The following SAMM50 variants were observed in gnomAD, a reference collection of about 807,000 sequenced individuals.
SAMM50 encodes the protein SAMM50 sorting and assembly machinery component, also known as sorting and assembly machinery component 50 homolog.
A neutral mutation model predicts 66.9 loss-of-function variants in SAMM50; 47 were observed. The observed-to-expected ratio is 0.70, with a 90% CI of 0.56 to 0.90. The LOEUF (loss-of-function observed/expected upper bound fraction) is 0.90, where lower values mean the gene tolerates loss of function less well. Among genes scored for constraint, SAMM50 ranks in the 40% least tolerant of loss-of-function variants. The pLI is 0.00. For missense variants in SAMM50, 535 were observed against 595.3 expected (o/e 0.90, Z 1.05); for synonymous variants, 191 against 214.1 (o/e 0.89, Z 0.94).
Position 43,983,655 on chromosome 22 carries a change from A to T in SAMM50, c.1008-278A>T, listed in dbSNP as rs2146823195. Among the ~76,000 whole-genome samples, 1 of 152,264 alleles carries T rather than the reference A, an allele frequency of 6.6e-6. No homozygotes were observed. Among genetic ancestry groups the T allele is most frequent in the East Asian group, 1.9e-4 (1 of 5,174 alleles). ...ACAGCTGATAGTTCCTTTGTGACAG[A>T]CAGTTTGCCCTGCCCCTCTCTCCTA... On this transcript the variant is annotated intron_variant, in intron 11 of 14. Coordinates refer to ENST00000350028, the MANE Select transcript of SAMM50 (RefSeq NM_015380.5). This position sits in a 1 kb window ranked among gnomAD's most constrained non-coding sequence, Gnocchi z 4.2.
At position 43,968,605 on chromosome 22, in the gene SAMM50, T is replaced by G. The variant is rs912232416; in HGVS notation, c.235-126T>G. On this transcript the variant is annotated intron_variant, in intron 3 of 14. Transcript: ENST00000350028. ...TCTGTCATGTGGCTGGTCTTGGTAGTGCTCTCTGCTCAGTGATCTGACTTA... is the reference window on the plus strand; with the variant it reads ...TCTGTCATGTGGCTGGTCTTGGTAGGGCTCTCTGCTCAGTGATCTGACTTA... 6 of 683,164 alleles carry G rather than the reference T, an allele frequency of 8.8e-6. No homozygotes were observed. In the Admixed American group the frequency reaches 1.0e-4, roughly 12 times the overall value. 42.3% of individuals were successfully genotyped at this position (683,164 alleles called of 1,614,324 possible). A position where few individuals can be genotyped will look rare whatever the true frequency, so the allele number is the denominator to read the frequency against.
At chr22:43,955,845 A>G (rs747102086) in intron 1 of SAMM50, among the ~76,000 whole-genome samples, 42 of 152,220 alleles carry the variant, frequency 2.8e-4, no homozygotes, top group Admixed American at 7.2e-4. Flanking sequence ...CCGTGGCCCA[A>G]AGGACTTGCC....
chr22:43,963,530 A>T lies in SAMM50; in HGVS notation c.132+134A>T, dbSNP rs190915006. 11 of 479,554 alleles carry T rather than the reference A, an allele frequency of 2.3e-5. No individual in the cohort carries two copies. In the East Asian group the frequency reaches 3.6e-4, roughly 16 times the overall value. 29.7% of individuals were successfully genotyped at this position (479,554 alleles called of 1,614,324 possible). A position where few individuals can be genotyped will look rare whatever the true frequency, so the allele number is the denominator to read the frequency against. On this transcript the variant is annotated intron_variant, in intron 2 of 14. Coordinates refer to ENST00000350028, the MANE Select transcript of SAMM50 (RefSeq NM_015380.5). ...GAAGAGTTTGTAACCACCTACAACT[A>T]GAAAAACTGATGACTCTTAGAAAAA...
intron 1 of SAMM50, among the ~76,000 whole-genome samples, chr22:43,956,713 G>A (rs1177490196): frequency 3.3e-5 from 5 of 152,156 alleles, no homozygotes; most frequent in African/African-American, 1.2e-4. Flanking sequence ...GAAGAGTGAA[G>A]GGTGAAGTTA....
intron 1 of SAMM50, chr22:43,962,932 G>A (rs5764047): frequency 0.21 from 25,943 of 121,824 alleles, 2,728 homozygotes; most frequent in East Asian, 0.38. Context: ...GGGTCTTGCC[G>A]TGTTGTGCAG....
At chr22:43,977,780 G>T (rs1421061835) in intron 9 of SAMM50, 92 bp from the exon 10 acceptor site, 7 of 860,104 alleles carry the variant, frequency 8.1e-6, no homozygotes, top group South Asian at 1.6e-5. Flanking sequence ...AATACAAAAC[G>T]GCAAAATTAA....
intron 3 of SAMM50, among the ~76,000 whole-genome samples, chr22:43,965,101 G>A (rs2054988681): frequency 6.6e-6 from 1 of 151,042 alleles, no homozygotes; most frequent in Non-Finnish European, 1.5e-5. Flanking sequence ...CTTCTTTGTG[G>A]CCGGGTCCAG....
intron 3 of SAMM50, among the ~76,000 whole-genome samples, chr22:43,965,231 G>A (rs1428432067): frequency 1.3e-5 from 2 of 150,896 alleles, no homozygotes; most frequent in Admixed American, 6.6e-5. Flanking sequence ...TTTTAGATAG[G>A]GTCTTGCTCT....
intron 10 of SAMM50, among the ~76,000 whole-genome samples, chr22:43,978,344 A>G (rs570190096): frequency 7.0e-6 from 1 of 141,918 alleles, no homozygotes; most frequent in South Asian, 2.4e-4. Context: ...CTGAGACAGG[A>G]GAATGGCATG....
intron 10 of SAMM50, among the ~76,000 whole-genome samples, chr22:43,980,624 C>T (rs534591321): frequency 5.3e-5 from 8 of 152,216 alleles, no homozygotes; most frequent in South Asian, 4.1e-4. Context: ...GAGCAGAGTC[C>T]GGACACCTGG....
At chr22:43,990,174 C>G in intron 13 of SAMM50, 91 bp from the exon 14 acceptor site, 1 of 1,512,514 alleles carries the variant, frequency 6.6e-7, no homozygotes, top group African/African-American at 1.4e-5. Flanking sequence ...CTGCAGGGCC[C>G]AGCCAGGGGG....
In SAMM50 at chr22:43,990,216, C is replaced by G. The variant is rs755070853; in HGVS notation, c.1223-49C>G. 3.7e-6 allele frequency: 6 copies of G among 1,607,978 alleles called. No homozygotes were observed. The Admixed American group carries it at 1.0e-4, about 27-fold the overall frequency. On this transcript the variant is annotated intron_variant, in intron 13 of 14. Coordinates refer to ENST00000350028, the MANE Select transcript of SAMM50 (RefSeq NM_015380.5). The stretch of plus-strand genomic sequence containing the variant: ...GGCTTGTCTGGGAGAGCTGGGAGAG[C>G]TTGGAAGGACGGGCACGCACTGTTG...
At chr22:43,957,064 G>T in intron 1 of SAMM50, 1 of 1,018,890 alleles carries the variant, frequency 9.8e-7, no homozygotes, top group Non-Finnish European at 1.5e-6. Flanking sequence ...ATTTTTGCTG[G>T]CTATAAGTGG....
At chr22:43,993,041 T>A (rs934586371) in intron 14 of SAMM50, among the ~76,000 whole-genome samples, 6 of 152,264 alleles carry the variant, frequency 3.9e-5, no homozygotes, top group African/African-American at 1.4e-4. Flanking sequence ...AAGCCCTTAT[T>A]CCCTCTGCAG....
At chr22:43,986,608 T>C (rs1408420311) in intron 12 of SAMM50, 1 of 152,110 alleles carries the variant, frequency 6.6e-6, no homozygotes, top group East Asian at 1.9e-4. Flanking sequence ...TGGAGTGCAG[T>C]GGCGTGATCT....
Position 43,964,499 on chromosome 22 carries a change from T to C in SAMM50, c.180T>C (p.Asp60=). ...VHFDGLGRTK[D]DIIICEIGDV... ...TTGATGGACTTGGAAGGACTAAAGA[T>C]GATATCATCATTTGTGAAATTGGAG... Residue 60 remains aspartate, a synonymous_variant, in exon 3 of 15, where the codon GAT becomes GAC. Transcript: ENST00000350028. 1 of 1,613,004 alleles carries C rather than the reference T, an allele frequency of 6.2e-7. No homozygotes were observed. Among genetic ancestry groups the C allele is most frequent in the Non-Finnish European group, 8.5e-7 (1 of 1,178,972 alleles).
intron 10 of SAMM50, among the ~76,000 whole-genome samples, chr22:43,978,470 G>A (rs796930660): frequency 1.5e-4 from 21 of 140,396 alleles, no homozygotes; most frequent in African/African-American, 3.8e-4. Flanking sequence ...TCTGCTAATC[G>A]TTACACATAG....
At chr22:43,990,210 G>A (rs1334311449) in intron 13 of SAMM50, 55 bp from the exon 14 acceptor site, 1 of 1,606,050 alleles carries the variant, frequency 6.2e-7, no homozygotes, top group African/African-American at 1.3e-5. Flanking sequence ...GGGAGAGCTG[G>A]GAGAGCTTGG....
At chr22:43,993,374 G>A (rs1046576468) in intron 14 of SAMM50, among the ~76,000 whole-genome samples, 2 of 152,226 alleles carry the variant, frequency 1.3e-5, no homozygotes, top group African/African-American at 2.4e-5. Context: ...AAGTCAACGC[G>A]GCTTTTAGGA....
Sources: gnomAD v4.1 joint callset for allele counts (sites outside exome capture counted in the v4.1 genomes callset) on GRCh38, gnomAD v4.1.1 for gene constraint, Gnocchi (gnomAD v3.1) non-coding constraint, MANE v1.5 for transcripts, NCBI Gene and HGNC (gene_info 2026-07-23, HGNC 2026-07-21) for gene names.